ATP6V1H: variants seen among roughly 807,000 people sequenced by gnomAD.
ATP6V1H encodes ATPase H+ transporting V1 subunit H, also known as V-type proton ATPase subunit H.
In ATP6V1H, 39 loss-of-function variants were observed where a neutral mutation model predicts 71.7. The observed-to-expected ratio is 0.54, with a 90% CI of 0.42 to 0.71. The LOEUF (loss-of-function observed/expected upper bound fraction) is 0.71. Ranked by LOEUF, ATP6V1H falls within the 30% of genes least tolerant of loss-of-function variation. The probability of loss-of-function intolerance (pLI) is 0.00; values close to 1 mark genes in which losing one functional copy is unlikely to be tolerated. For missense variants in ATP6V1H, 509 were observed against 594.9 expected (o/e 0.86, Z 1.50); for synonymous variants, 192 against 199.3 (o/e 0.96, Z 0.31).
At chr8:53,776,326 C>A (rs183008209) in intron 9 of ATP6V1H, among the ~76,000 whole-genome samples, 1 of 152,332 alleles carries the variant, frequency 6.6e-6, no homozygotes, top group Admixed American at 6.5e-5. Context: ...TGGCCTTGGC[C>A]AGCCGAGAAA....
At chr8:53,841,756 T>C in intron 1 of ATP6V1H, 31 bp from the exon 2 acceptor site, 7 of 1,572,644 alleles carry the variant, frequency 4.5e-6, no homozygotes, top group Non-Finnish European at 6.0e-6. Context: ...AAAAACAGAA[T>C]ACGAGGTGTT....
intron 3 of ATP6V1H, among the ~76,000 whole-genome samples, chr8:53,830,355 G>C (rs1424076156): frequency 6.6e-6 from 1 of 152,066 alleles, no homozygotes; most frequent in African/African-American, 2.4e-5. Flanking sequence ...AACAGCATGT[G>C]ATAAAAACCA....
intron 2 of ATP6V1H, among the ~76,000 whole-genome samples, chr8:53,839,314 C>A (rs1811271928): frequency 6.6e-6 from 1 of 152,166 alleles, no homozygotes. Context: ...TCTAAATGCA[C>A]TCTGGACTAA....
intron 4 of ATP6V1H, among the ~76,000 whole-genome samples, chr8:53,825,088 A>C (rs868265985): frequency 2.0e-5 from 3 of 152,334 alleles, no homozygotes; most frequent in Middle Eastern, 3.4e-3. Context: ...TGAAAATTAC[A>C]ACACTCCTGA....
rs1428390228 is a variant in ATP6V1H, at chr8:53,759,150, A to G, written c.1176-2494T>C. Among the ~76,000 whole-genome samples the G allele has an allele frequency of 2.0e-5, 3 of 152,252 alleles. No individual in the cohort carries two copies. The East Asian group carries it at 5.8e-4, about 29-fold the overall frequency. ...TAACATTTGAGAAGCACAGCCTTAG[A>G]GTCAGATAATGTTAGAACTGGAAGG... is the stretch of plus-strand genomic sequence containing the variant. On this transcript the variant is annotated intron_variant, in intron 11 of 13. Coordinates refer to ENST00000359530, the MANE Select transcript of ATP6V1H (RefSeq NM_015941.4).
intron 3 of ATP6V1H, chr8:53,831,684 A>C (rs979958918): frequency 2.6e-5 from 4 of 152,144 alleles, no homozygotes; most frequent in African/African-American, 9.7e-5. Flanking sequence ...CAATCTATCA[A>C]GACAGCATTT....
chr8:53,814,650 A>G lies in ATP6V1H; in HGVS notation c.525+12T>C, dbSNP rs749221410. The G allele has an allele frequency of 1.6e-4, 238 of 1,511,602 alleles. No homozygotes were observed. The highest frequency in any genetic ancestry group is 2.1e-4 in the Non-Finnish European group (229 of 1,095,794). The allele number at this position is 1,511,602 out of a possible 1,614,324, so 93.6% of individuals were successfully genotyped here. A position where few individuals can be genotyped will look rare whatever the true frequency, so the allele number is the denominator to read the frequency against. Reference sequence around the variant, plus strand: ...ATTCCTTTCAAAGGTACTTTAAAAAATTTTCTTTTACCTGTGAACTCAGCT... The same window carrying G: ...ATTCCTTTCAAAGGTACTTTAAAAAGTTTTCTTTTACCTGTGAACTCAGCT... On this transcript the variant is annotated intron_variant, in intron 6 of 13. Coordinates refer to ENST00000359530, the MANE Select transcript of ATP6V1H (RefSeq NM_015941.4).
chr8:53,776,466 G>A (rs1268163539), intron 9 of ATP6V1H, among the ~76,000 whole-genome samples: 1 of 152,232 alleles, frequency 6.6e-6, no homozygotes. Context: ...CCTCTCACAA[G>A]GACAGACTCC....
At chr8:53,723,905 A>G (rs1271987281) in intron 13 of ATP6V1H, among the ~76,000 whole-genome samples, 2 of 152,202 alleles carry the variant, frequency 1.3e-5, no homozygotes, top group Non-Finnish European at 2.9e-5. Context: ...TAAATCCAAT[A>G]TAAACTTTAC....
At chr8:53,779,569 T>C (rs1218005972) in intron 9 of ATP6V1H, among the ~76,000 whole-genome samples, 1 of 151,490 alleles carries the variant, frequency 6.6e-6, no homozygotes. Context: ...CTTGTATAAC[T>C]ACTTCTACAA....
chr8:53,760,048 C>T (rs1026787683), intron 11 of ATP6V1H, among the ~76,000 whole-genome samples: 1 of 152,180 alleles, frequency 6.6e-6, no homozygotes, highest in African/African-American at 2.4e-5. Context: ...TAAAGAATGT[C>T]AGGTGACCAT....
At chr8:53,831,452 T>TA (rs1811003860) in intron 3 of ATP6V1H, among the ~76,000 whole-genome samples, 3 of 152,242 alleles carry the variant, frequency 2.0e-5, no homozygotes, top group South Asian at 2.1e-4. Flanking sequence ...GTCCAACACT[T>TA]ACCAAAACAT....
At position 53,802,278 on chromosome 8, in the gene ATP6V1H, T is replaced by C. The variant is rs144915528; in HGVS notation, c.580-382A>G. ...TAATTACAGAACTATCAAAGAACAA[T>C]AAAATTAACAAAAAGAAGAGTAAAT... On this transcript the variant is annotated intron_variant, in intron 7 of 13. Coordinates refer to ENST00000359530, the MANE Select transcript of ATP6V1H (RefSeq NM_015941.4). Among the ~76,000 whole-genome samples the C allele has an allele frequency of 2.2e-3, 338 of 152,188 alleles. 2 individuals carry two copies. The highest frequency in any genetic ancestry group is 7.9e-3 in the African/African-American group (327 of 41,552).
At chr8:53,787,292 G>T (rs1049577094) in intron 9 of ATP6V1H, among the ~76,000 whole-genome samples, 2 of 151,950 alleles carry the variant, frequency 1.3e-5, no homozygotes, top group Non-Finnish European at 2.9e-5. Flanking sequence ...CCTGAAACAG[G>T]GGATAAGGGA....
intron 2 of ATP6V1H, among the ~76,000 whole-genome samples, chr8:53,835,152 A>G (rs1301094896): frequency 2.0e-5 from 3 of 150,796 alleles, no homozygotes; most frequent in Non-Finnish European, 3.0e-5. Context: ...TGTCTCAAAC[A>G]AAAAAAAAGC....
chr8:53,783,633 T>A (rs977258812), intron 9 of ATP6V1H, among the ~76,000 whole-genome samples: 14 of 152,230 alleles, frequency 9.2e-5, no homozygotes, highest in Non-Finnish European at 2.9e-5. Context: ...ATTGTGTTGT[T>A]AGGGTGTCAA....
At chr8:53,742,493 C>T (rs1355711242) in intron 13 of ATP6V1H, among the ~76,000 whole-genome samples, 2 of 152,170 alleles carry the variant, frequency 1.3e-5, no homozygotes, top group Admixed American at 1.3e-4. Flanking sequence ...GTGGCCTACT[C>T]AGGGAGGCTT....
chr8:53,795,927 C>A (rs2130416167), intron 8 of ATP6V1H, 88 bp from the exon 9 acceptor site: 1 of 1,176,438 alleles, frequency 8.5e-7, no homozygotes, highest in East Asian at 2.5e-5. Flanking sequence ...ACTAATGGAA[C>A]AGGTCTCTCT....
At position 53,758,916 on chromosome 8, in the gene ATP6V1H, A is replaced by G. The variant is rs184356686; in HGVS notation, c.1176-2260T>C. On this transcript the variant is annotated intron_variant, in intron 11 of 13. Transcript: ENST00000359530. ...GTTCAAAAAGTCTAAAATATTTACT[A>G]CCTTGGTCTTTCCCAAATCACGTTG... is the stretch of plus-strand genomic sequence containing the variant. 6.6e-4 allele frequency among the ~76,000 whole-genome samples: 101 copies of G among 152,354 alleles called. 1 individual carries two copies. The East Asian group carries it at 0.015, about 23-fold the overall frequency.
Sources: allele counts gnomAD v4.1 joint callset (sites outside exome capture counted in the v4.1 genomes callset), GRCh38; gene constraint gnomAD v4.1.1; transcripts MANE v1.5; gene names NCBI Gene and HGNC (gene_info 2026-07-23, HGNC 2026-07-21).